FAAH: variants seen among roughly 807,000 people sequenced by gnomAD.
FAAH encodes the protein fatty-acid amide hydrolase 1.
Under a neutral mutation model 69.7 loss-of-function variants are expected in FAAH, and 63 were observed. The ratio of observed to expected loss-of-function variants is 0.90; its 90% CI spans 0.74 to 1.12. FAAH has a LOEUF of 1.12. FAAH is among the 50% of genes most tolerant of loss of function. The probability of loss-of-function intolerance (pLI) is 0.00; values close to 1 mark genes in which losing one functional copy is unlikely to be tolerated. For missense variants in FAAH, 680 were observed against 755.0 expected (o/e 0.90, Z 1.16); for synonymous variants, 305 against 324.2 (o/e 0.94, Z 0.64).
intron 1 of FAAH, among the ~76,000 whole-genome samples, chr1:46,399,769 C>T (rs1557756960): frequency 6.6e-6 from 1 of 152,124 alleles, no homozygotes; most frequent in Non-Finnish European, 1.5e-5. Flanking sequence ...AGGCAAGATG[C>T]AGTACTGTGT....
In FAAH at chr1:46,412,221, C is replaced by A; in HGVS notation, c.1435C>A (p.Leu479Met). 1 of 1,556,122 alleles carries A rather than the reference C, an allele frequency of 6.4e-7. No homozygotes were observed. Among genetic ancestry groups the A allele is most frequent in the Non-Finnish European group, 8.7e-7 (1 of 1,149,602 alleles). The change falls in exon 13 of 15, where the codon CTG (leucine) becomes ATG (methionine). Residue 479 changes from leucine to methionine, a missense_variant. Coordinates refer to ENST00000243167, the MANE Select transcript of FAAH (RefSeq NM_001441.3). ...VVLTPMLAPA[L>M]DLNAPGRATG... ...GCTGACCCCCATGCTGGCCCCTGCT[C>A]TGGACTTGAATGCCCCAGGCAGGGC...
At position 46,404,396 on chromosome 1, in the gene FAAH, G is replaced by C. The variant is rs760218884; in HGVS notation, c.310-618G>C. 1.3e-5 allele frequency among the ~76,000 whole-genome samples: 2 copies of C among 152,248 alleles called. No individual in the cohort carries two copies. The highest frequency in any genetic ancestry group is 2.9e-5 in the Non-Finnish European group (2 of 68,054). ...CTTCTGTAGGACCCTGTGTGGTGAGGTTTGAGCATTCTAGGCAGATTTCCA... is the reference window on the plus strand; with the variant it reads ...CTTCTGTAGGACCCTGTGTGGTGAGCTTTGAGCATTCTAGGCAGATTTCCA... On this transcript the variant is annotated intron_variant, in intron 2 of 14. Coordinates refer to ENST00000243167, the MANE Select transcript of FAAH (RefSeq NM_001441.3). The surrounding 1 kb of genome is among the most constrained non-coding windows in gnomAD (Gnocchi z 4.5).
chr1:46,408,524 C>T lies in FAAH; in HGVS notation c.1017C>T (p.Ser339=), dbSNP rs201501517. ...YYETDNYTMP[S]PAMRRAVLET... ...AGACTGACAACTATACCATGCCCTCCCCGGCCATGAGGCGGGCCGTGCTGG... is the reference window on the plus strand; with the variant it reads ...AGACTGACAACTATACCATGCCCTCTCCGGCCATGAGGCGGGCCGTGCTGG... Residue 339 remains serine (S), a synonymous_variant, in exon 8 of 15, where the codon TCC becomes TCT. Transcript: ENST00000243167. 5.6e-6 allele frequency: 9 copies of T among 1,614,194 alleles called. No homozygotes were observed. In the African/African-American group the frequency reaches 1.2e-4, roughly 22 times the overall value.
At chr1:46,408,072 C>T (rs1664833013) in intron 7 of FAAH, among the ~76,000 whole-genome samples, 1 of 152,076 alleles carries the variant, frequency 6.6e-6, no homozygotes, top group African/African-American at 2.4e-5. Flanking sequence ...AGATGAGGTC[C>T]CTGTCTGGAA....
At chr1:46,408,881 G>T (rs961179482) in intron 8 of FAAH, among the ~76,000 whole-genome samples, 1 of 152,176 alleles carries the variant, frequency 6.6e-6, no homozygotes, top group Non-Finnish European at 1.5e-5. Context: ...GTGGGTTTTG[G>T]TCTGGTCATT....
intron 1 of FAAH, among the ~76,000 whole-genome samples, chr1:46,398,787 G>A (rs1458497471): frequency 3.9e-5 from 6 of 152,034 alleles, no homozygotes; most frequent in Admixed American, 3.9e-4. Flanking sequence ...CGCCTGCCTC[G>A]GCCTCCCAAA....
In FAAH at chr1:46,410,363, A is replaced by T. The variant is rs1363519768; in HGVS notation, c.1176-35A>T. On this transcript the variant is annotated intron_variant, in intron 9 of 14. Transcript: ENST00000243167. The surrounding 1 kb of genome is among the most constrained non-coding windows in gnomAD (Gnocchi z 4.9). ...CGAGCAAGCTGGGAAGGATGTGGGG[A>T]TGGGAGTGCCTGGACCGAGCATTTT... is the stretch of plus-strand genomic sequence containing the variant. 2 of 1,555,852 alleles carry T rather than the reference A, an allele frequency of 1.3e-6. No homozygotes were observed. The highest frequency in any genetic ancestry group is 1.8e-6 in the Non-Finnish European group (2 of 1,126,976).
At chr1:46,406,215 C>G (rs1431641287) in intron 6 of FAAH, 29 bp from the exon 7 acceptor site, 1 of 1,614,072 alleles carries the variant, frequency 6.2e-7, no homozygotes, top group Admixed American at 1.7e-5. Flanking sequence ...TCCTTGTCTG[C>G]TTACCTCCCT....
rs1383645623 is a variant in FAAH at position 46,405,762 on chromosome 1, C to T, written c.753C>T (p.Ile251=). The T allele has an allele frequency of 4.3e-6, 7 of 1,613,386 alleles. No individual in the cohort carries two copies. The Admixed American group carries it at 6.7e-5, about 15-fold the overall frequency. Residue 251 remains isoleucine, a synonymous_variant, in exon 5 of 15, where the codon ATC becomes ATT. Transcript: ENST00000243167. This position sits in a 1 kb window ranked among gnomAD's most constrained non-coding sequence, Gnocchi z 4.1. ...GCTTCCCCTCCTCCTTCTGCGGCAT[C>T]TGCGGCCTCAAGCCCACAGGGAACC... is the stretch of plus-strand genomic sequence containing the variant. ...SIRFPSSFCG[I]CGLKPTGNRL...
chr1:46,410,304 C>G lies in FAAH; in HGVS notation c.1176-94C>G. ...CTGGTGAGGAGGAGGTGGACAGGAT[C>G]CCTGCATAGAGAATGGGATTGCTGT... On this transcript the variant is annotated intron_variant, in intron 9 of 14. Transcript: ENST00000243167. The surrounding 1 kb of genome is among the most constrained non-coding windows in gnomAD (Gnocchi z 4.9). 1 of 933,638 alleles carries G rather than the reference C, an allele frequency of 1.1e-6. No individual in the cohort carries two copies. The highest frequency in any genetic ancestry group is 1.8e-6 in the Non-Finnish European group (1 of 561,202). The allele number at this position is 933,638 out of a possible 1,614,324, so 57.8% of individuals were successfully genotyped here.
intron 1 of FAAH, among the ~76,000 whole-genome samples, chr1:46,399,942 G>A (rs1266301600): frequency 6.6e-6 from 1 of 152,086 alleles, no homozygotes; most frequent in East Asian, 1.9e-4. Flanking sequence ...CAGGGGTGGA[G>A]GGAATGCTCA....
Position 46,410,089 on chromosome 1 carries a change from A to AGGG in FAAH, c.1176-307_1176-305dup. Reference sequence around the variant, plus strand: ...TGTGCCTCCAGGCTGTACCTCCCTAAGGGGAGGTACCCTCAGGGAGGCCTC... The same window carrying AGGG: ...TGTGCCTCCAGGCTGTACCTCCCTAAGGGGGGGAGGTACCCTCAGGGAGGCCTC... On this transcript the variant is annotated intron_variant, in intron 9 of 14. Transcript: ENST00000243167. This position sits in a 1 kb window ranked among gnomAD's most constrained non-coding sequence, Gnocchi z 4.9. The AGGG allele has an allele frequency of 3.1e-6, 1 of 324,296 alleles. No individual in the cohort carries two copies. The highest frequency in any genetic ancestry group is 1.0e-3 in the Middle Eastern group (1 of 1,000). The allele number at this position is 324,296 out of a possible 1,614,324, so 20.1% of individuals were successfully genotyped here.
At position 46,400,586 on chromosome 1, in the gene FAAH, C is replaced by T. The variant is rs985079277; in HGVS notation, c.196-1505C>T. On this transcript the variant is annotated intron_variant, in intron 1 of 14. Coordinates refer to ENST00000243167, the MANE Select transcript of FAAH (RefSeq NM_001441.3). ...ATTTCCTGAACACCTGGATGGATGG[C>T]GGGGCCTCCCCTGAGTACAGGGTAC... Among the ~76,000 whole-genome samples, 7 of 151,198 alleles carry T rather than the reference C, an allele frequency of 4.6e-5. No homozygotes were observed. The East Asian group carries it at 8.0e-4, about 17-fold the overall frequency.
chr1:46,398,991 A>G (rs1250186349), intron 1 of FAAH, among the ~76,000 whole-genome samples: 1 of 100,582 alleles, frequency 9.9e-6, no homozygotes, highest in South Asian at 3.3e-4. Flanking sequence ...ATTTTTTCCC[A>G]CCCTGCCCCC....
At position 46,394,384 on chromosome 1, in the gene FAAH, C is replaced by A; in HGVS notation, c.36C>A (p.Gly12=). The change falls in exon 1 of 15, where the codon GGC becomes GGA. Residue 12 remains glycine (G), a synonymous_variant. Transcript: ENST00000243167. The part of the protein sequence containing the change: ...VQYELWAALP[G]ASGVALACCF... ...ACGAGCTGTGGGCCGCGCTGCCTGG[C>A]GCCTCCGGGGTCGCCCTGGCCTGCT... The A allele has an allele frequency of 6.5e-7, 1 of 1,543,942 alleles. No homozygotes were observed. The highest frequency in any genetic ancestry group is 8.7e-7 in the Non-Finnish European group (1 of 1,150,762).
chr1:46,409,050 C>A, intron 8 of FAAH, 51 bp from the exon 9 acceptor site: 1 of 1,481,888 alleles, frequency 6.7e-7, no homozygotes. Context: ...GCATGGGGAT[C>A]ATGAAGCCAG....
chr1:46,402,016 A>G, intron 1 of FAAH, 75 bp from the exon 2 acceptor site: 3 of 1,264,812 alleles, frequency 2.4e-6, no homozygotes, highest in Non-Finnish European at 3.4e-6. Context: ...CTGCTGGGGC[A>G]TGGGCCACTG....
At chr1:46,408,048 C>G (rs569400737) in intron 7 of FAAH, among the ~76,000 whole-genome samples, 14 of 152,192 alleles carry the variant, frequency 9.2e-5, no homozygotes, top group African/African-American at 3.4e-4. Flanking sequence ...AGTCCTTCCT[C>G]GGAGGAGAGG....
In FAAH at chr1:46,413,141, C is replaced by T. The variant is rs200172860; in HGVS notation, c.1532C>T (p.Thr511Met). ...DFPAGVVPVT[T>M]VTAEDEAQME... ...CCTGCAGGGGTGGTGCCTGTCACCA[C>T]GGTGACTGCTGAGGACGAGGCCCAG... The change falls in exon 14 of 15, where the codon ACG (threonine) becomes ATG (methionine). Residue 511 changes from threonine (T) to methionine (M), a missense_variant. By Grantham distance (81) the Thr-to-Met change is moderately conservative. Coordinates refer to ENST00000243167, the MANE Select transcript of FAAH (RefSeq NM_001441.3). 167 of 1,614,036 alleles carry T rather than the reference C, an allele frequency of 1.0e-4. No individual in the cohort carries two copies. Among genetic ancestry groups the T allele is most frequent in the Middle Eastern group, 3.3e-4 (2 of 6,084 alleles).
Sources: gnomAD v4.1 joint callset for allele counts (sites outside exome capture counted in the v4.1 genomes callset) on GRCh38, gnomAD v4.1.1 for gene constraint, Gnocchi (gnomAD v3.1) non-coding constraint, MANE v1.5 for transcripts, NCBI Gene and HGNC (gene_info 2026-07-23, HGNC 2026-07-21) for gene names.